Variants in GMDS observed in about 807,000 individuals in gnomAD.
GMDS encodes the protein GDP-mannose 4,6-dehydratase, also known as GDP-mannose 4,6 dehydratase.
A neutral mutation model predicts 49.9 loss-of-function variants in GMDS; 20 were observed. The ratio of observed to expected loss-of-function variants is 0.40; its 90% confidence interval spans 0.28 to 0.58. The LOEUF is 0.58. GMDS is among the 20% of genes least tolerant of loss of function. The probability of loss-of-function intolerance (pLI) is 0.42; values close to 1 mark genes in which losing one functional copy is unlikely to be tolerated. For missense variants in GMDS, 362 were observed against 481.4 expected (o/e 0.75, Z 2.32); for synonymous variants, 177 against 178.6 (o/e 0.99, Z 0.07).
intron 7 of GMDS, among the ~76,000 whole-genome samples, chr6:1,909,744 G>A (rs141350706): frequency 6.6e-6 from 1 of 152,266 alleles, no homozygotes; most frequent in Admixed American, 6.5e-5. Flanking sequence ...TGGCCCCATG[G>A]GTGAGTCAGT....
intron 1 of GMDS, among the ~76,000 whole-genome samples, chr6:2,176,829 G>T (rs1424909379): frequency 6.6e-6 from 1 of 152,154 alleles, no homozygotes; most frequent in Non-Finnish European, 1.5e-5. Flanking sequence ...AGGTTATAGT[G>T]CAGGGCCAAG....
At chr6:1,999,998 A>ATATATATAT (rs1766653562) in intron 4 of GMDS, among the ~76,000 whole-genome samples, 17 of 10,874 alleles carry the variant, frequency 1.6e-3, no homozygotes, top group Non-Finnish European at 3.0e-3. Flanking sequence ...TATATATATT[A>ATATATATAT]TATATATATA....
chr6:2,210,891 G>A (rs1780033548), intron 1 of GMDS, among the ~76,000 whole-genome samples: 1 of 152,182 alleles, frequency 6.6e-6, no homozygotes. Context: ...ATTGGATCAT[G>A]GGGGCGGATG....
intron 7 of GMDS, among the ~76,000 whole-genome samples, chr6:1,824,979 A>G (rs887332236): frequency 6.6e-5 from 10 of 152,170 alleles, no homozygotes; most frequent in Admixed American, 1.3e-4. Flanking sequence ...TGCCTTACAC[A>G]TAGTAGGTGC....
chr6:1,647,275 A>G (rs1466361937), intron 9 of GMDS, among the ~76,000 whole-genome samples: 1 of 152,212 alleles, frequency 6.6e-6, no homozygotes, highest in Non-Finnish European at 1.5e-5. Context: ...TTGCTGTGGA[A>G]CGTAGGAAAT....
intron 4 of GMDS, among the ~76,000 whole-genome samples, chr6:1,990,006 T>G (rs1474815051): frequency 6.6e-6 from 1 of 152,266 alleles, no homozygotes; most frequent in Non-Finnish European, 1.5e-5. Flanking sequence ...TTAAGAAATG[T>G]TAGCCATAGG....
At chr6:1,781,640 C>T (rs1438477853) in intron 7 of GMDS, among the ~76,000 whole-genome samples, 1 of 149,732 alleles carries the variant, frequency 6.7e-6, no homozygotes, top group Non-Finnish European at 1.5e-5. Context: ...CCACACATGG[C>T]CTTAAGCCCT....
At chr6:2,159,842 A>G (rs948834310) in intron 1 of GMDS, among the ~76,000 whole-genome samples, 3 of 152,096 alleles carry the variant, frequency 2.0e-5, no homozygotes, top group African/African-American at 7.2e-5. Flanking sequence ...TCTAGGCTAC[A>G]CAGTTCATCT....
intron 7 of GMDS, among the ~76,000 whole-genome samples, chr6:1,860,594 A>ATTT (rs1758135867): frequency 6.6e-6 from 1 of 152,208 alleles, no homozygotes; most frequent in Non-Finnish European, 1.5e-5. Flanking sequence ...ACATACTAAT[A>ATTT]ACAGTACATT....
intron 7 of GMDS, among the ~76,000 whole-genome samples, chr6:1,897,551 T>C (rs551444238): frequency 6.6e-6 from 1 of 152,284 alleles, no homozygotes; most frequent in South Asian, 2.1e-4. Flanking sequence ...ACAAATTGTA[T>C]ATCTTGCCAA....
At chr6:1,941,939 C>T (rs1192064698) in intron 6 of GMDS, among the ~76,000 whole-genome samples, 2 of 152,136 alleles carry the variant, frequency 1.3e-5, no homozygotes, top group Admixed American at 6.5e-5. Flanking sequence ...GACTCAACCC[C>T]GCCTCGCTCA....
At chr6:1,644,236 C>T (rs574258469) in intron 9 of GMDS, among the ~76,000 whole-genome samples, 1 of 152,254 alleles carries the variant, frequency 6.6e-6, no homozygotes, top group Admixed American at 6.5e-5. Flanking sequence ...CCCCTGATTC[C>T]ACCCGAGCGA....
chr6:2,122,013 T>G (rs1478887611), intron 2 of GMDS, among the ~76,000 whole-genome samples: 4 of 152,228 alleles, frequency 2.6e-5, no homozygotes, highest in Non-Finnish European at 5.9e-5. Context: ...ACAGTGTTTA[T>G]CTGTTCCTGG....
intron 1 of GMDS, among the ~76,000 whole-genome samples, chr6:2,125,236 G>C (rs1202707758): frequency 6.6e-6 from 1 of 152,058 alleles, no homozygotes; most frequent in African/African-American, 2.4e-5. Flanking sequence ...CCAAGAGTTG[G>C]AGAATAGCCT....
intron 9 of GMDS, among the ~76,000 whole-genome samples, chr6:1,642,039 C>T (rs1008832261): frequency 2.0e-5 from 3 of 152,106 alleles, no homozygotes; most frequent in African/African-American, 7.2e-5. Context: ...AGAAAGATCG[C>T]CCTGCGTAGC....
chr6:1,728,875 TC>T (rs1301537483), intron 8 of GMDS, among the ~76,000 whole-genome samples: 3 of 151,984 alleles, frequency 2.0e-5, no homozygotes, highest in Non-Finnish European at 4.4e-5. Context: ...TATTTTTTCT[TC>T]CTTATTATTT....
intron 7 of GMDS, among the ~76,000 whole-genome samples, chr6:1,859,620 G>A (rs939956775): frequency 1.3e-5 from 2 of 152,122 alleles, no homozygotes; most frequent in African/African-American, 4.8e-5. Context: ...TCTGTCAAAA[G>A]ACCAGTAAGG....
At chr6:2,223,136 G>GCA (rs1780667542) in intron 1 of GMDS, among the ~76,000 whole-genome samples, 1 of 148,522 alleles carries the variant, frequency 6.7e-6, no homozygotes, top group Non-Finnish European at 1.5e-5. Flanking sequence ...TCAATAGCGC[G>GCA]CTCTCTCTCT....
At chr6:1,695,740 T>C (rs1335381972) in intron 9 of GMDS, among the ~76,000 whole-genome samples, 1 of 152,132 alleles carries the variant, frequency 6.6e-6, no homozygotes, top group East Asian at 1.9e-4. Context: ...TCTGAGGTCC[T>C]GGCACCGCCT....
Sources: gnomAD v4.1 joint callset for allele counts (sites outside exome capture counted in the v4.1 genomes callset) on GRCh38, gnomAD v4.1.1 for gene constraint, MANE v1.5 for transcripts, NCBI Gene and HGNC (gene_info 2026-07-23, HGNC 2026-07-21) for gene names.